The following STRN3 variants were observed in gnomAD, a reference collection of about 807,000 sequenced individuals.
STRN3 encodes striatin 3.
Under a neutral mutation model 95.6 loss-of-function variants are expected in STRN3, and 29 were observed. That is an observed-to-expected ratio of 0.30 (90% CI 0.23 to 0.41). The LOEUF (loss-of-function observed/expected upper bound fraction) is 0.41. Ranked by LOEUF, STRN3 falls within the 10% of genes least tolerant of loss-of-function variation. The pLI, the probability that STRN3 is intolerant of heterozygous loss-of-function variation, is 1.00. For missense variants in STRN3, 890 were observed against 972.1 expected, an observed-to-expected ratio of 0.92 and a Z score of 1.12; for synonymous variants, 331 against 357.6, an observed-to-expected ratio of 0.93 and a Z score of 0.84.
In STRN3 at chr14:31,005,910, G is replaced by A. The variant is rs143538758; in HGVS notation, c.282+19994C>T. Among the ~76,000 whole-genome samples, 1,314 of 152,124 alleles carry A rather than the reference G, an allele frequency of 8.6e-3. 24 individuals are homozygous for A. Among genetic ancestry groups the A allele is most frequent in the African/African-American group, 0.03 (1,242 of 41,502 alleles). ...AAGCGGGTGGATCACTTGAGCTCAG[G>A]AGTTCAAGAGCAGCCTGGCCAACAT... is the stretch of plus-strand genomic sequence containing the variant. On this transcript the variant is annotated intron_variant, in intron 1 of 17. Transcript: ENST00000357479.
At chr14:31,001,045 T>C (rs1048193386) in intron 1 of STRN3, among the ~76,000 whole-genome samples, 3 of 151,920 alleles carry the variant, frequency 2.0e-5, no homozygotes. Context: ...GCAGAGGGGG[T>C]AGGGCTGAAG....
At chr14:30,916,177 T>A (rs1337125294) in intron 9 of STRN3, among the ~76,000 whole-genome samples, 2 of 152,184 alleles carry the variant, frequency 1.3e-5, no homozygotes, top group African/African-American at 4.8e-5. Flanking sequence ...AGGGAATTAA[T>A]TTCTATCCTA....
chr14:31,006,755 C>G (rs556347231), intron 1 of STRN3, among the ~76,000 whole-genome samples: 2 of 151,756 alleles, frequency 1.3e-5, no homozygotes, highest in South Asian at 4.2e-4. Flanking sequence ...GATCTAGAAT[C>G]AGAACAGCAT....
chr14:30,906,863 C>T lies in STRN3; in HGVS notation c.1888+14G>A, dbSNP rs1896475118. ...AAAAAACTAACTTTTCTCACAGATG[C>T]AAAATTTACTTACTTTTATCTCCAT... On this transcript the variant is annotated intron_variant, in intron 14 of 17. Transcript: ENST00000357479. 6.3e-7 allele frequency: 1 copy of T among 1,593,176 alleles called. No homozygotes were observed. The highest frequency in any genetic ancestry group is 1.8e-5 in the Admixed American group (1 of 54,972).
At chr14:30,915,173 T>A (rs775963895) in intron 9 of STRN3, among the ~76,000 whole-genome samples, 1 of 152,024 alleles carries the variant, frequency 6.6e-6, no homozygotes, top group African/African-American at 2.4e-5. Flanking sequence ...AAAATTCCCA[T>A]GAAAAATGAT....
chr14:30,914,692 A>T (rs1342959073), intron 9 of STRN3, among the ~76,000 whole-genome samples: 1 of 88,792 alleles, frequency 1.1e-5, no homozygotes, highest in Non-Finnish European at 3.0e-5. Context: ...CTTTTATTTT[A>T]ATGTCCCATT....
chr14:30,999,086 G>T (rs528512859), intron 1 of STRN3, among the ~76,000 whole-genome samples: 2 of 152,140 alleles, frequency 1.3e-5, no homozygotes, highest in African/African-American at 2.4e-5. Context: ...TTAGAGACAG[G>T]GTCTCACTCT....
intron 16 of STRN3, among the ~76,000 whole-genome samples, chr14:30,898,024 C>G (rs368185029): frequency 2.0e-5 from 3 of 152,260 alleles, no homozygotes; most frequent in East Asian, 3.9e-4. Context: ...CAGGGCCTTG[C>G]TCTGTCACTC....
At chr14:31,022,729 C>T (rs1310579625) in intron 1 of STRN3, among the ~76,000 whole-genome samples, 1 of 151,942 alleles carries the variant, frequency 6.6e-6, no homozygotes, top group Non-Finnish European at 1.5e-5. Flanking sequence ...TGGAATCAGA[C>T]AGACTTGGGT....
At chr14:31,014,002 A>C (rs1883118565) in intron 1 of STRN3, among the ~76,000 whole-genome samples, 1 of 151,356 alleles carries the variant, frequency 6.6e-6, no homozygotes, top group African/African-American at 2.4e-5. Context: ...CCTTGGGCTC[A>C]AGCGATCCTC....
At chr14:30,951,324 T>C (rs1023497624) in intron 3 of STRN3, among the ~76,000 whole-genome samples, 3 of 152,188 alleles carry the variant, frequency 2.0e-5, no homozygotes, top group Non-Finnish European at 2.9e-5. Flanking sequence ...CAGTCTCGAC[T>C]TCTCTGGGCT....
chr14:30,971,011 C>T (rs979593494), intron 1 of STRN3, among the ~76,000 whole-genome samples: 9 of 152,236 alleles, frequency 5.9e-5, no homozygotes, highest in African/African-American at 1.9e-4. Context: ...CGGCACCCTG[C>T]GGGTCAGCCC....
chr14:30,908,164 C>T (rs1896515935), intron 13 of STRN3, among the ~76,000 whole-genome samples: 1 of 152,156 alleles, frequency 6.6e-6, no homozygotes, highest in Non-Finnish European at 1.5e-5. Context: ...TGCTTCTCTA[C>T]TACACAAATT....
chr14:30,922,372 AACAAAT>A (rs1482132820), intron 8 of STRN3, among the ~76,000 whole-genome samples: 1 of 152,120 alleles, frequency 6.6e-6, no homozygotes, highest in Non-Finnish European at 1.5e-5. Flanking sequence ...CCTACCTCTT[AACAAAT>A]ACAAAGTCCT....
chr14:30,995,195 A>AT (rs1882142869), intron 1 of STRN3, among the ~76,000 whole-genome samples: 1 of 152,238 alleles, frequency 6.6e-6, no homozygotes, highest in African/African-American at 2.4e-5. Flanking sequence ...AAAGTTAAAA[A>AT]TAAATCAGAT....
In STRN3 at chr14:30,921,069, T is replaced by TACACACACACACACACACACACACAC. The variant is rs367677158; in HGVS notation, c.1100-1964_1100-1963insGTGTGTGTGTGTGTGTGTGTGTGTGT. On this transcript the variant is annotated intron_variant, in intron 8 of 17. Coordinates refer to ENST00000357479, the MANE Select transcript of STRN3 (RefSeq NM_001083893.2). The stretch of plus-strand genomic sequence containing the variant: ...GGTGAGAAGGCTTTCTACACATACA[T>TACACACACACACACACACACACACAC]ATACACACACACACACACACACACA... 5.0e-5 allele frequency among the ~76,000 whole-genome samples: 6 copies of TACACACACACACACACACACACACAC among 119,958 alleles called. No homozygotes were observed. The East Asian group carries it at 7.1e-4, about 14-fold the overall frequency. 78.7% of individuals were successfully genotyped at this position (119,958 alleles called of 152,430 possible).
intron 1 of STRN3, among the ~76,000 whole-genome samples, chr14:30,977,659 G>T (rs1357613040): frequency 6.6e-6 from 1 of 151,344 alleles, no homozygotes; most frequent in Admixed American, 6.6e-5. Context: ...CAGGTGTGGT[G>T]GTGGGCGCCT....
intron 6 of STRN3, among the ~76,000 whole-genome samples, chr14:30,935,947 A>G (rs7154605): frequency 0.2 from 29,708 of 152,184 alleles, 3,467 homozygotes; most frequent in Middle Eastern, 0.28. Context: ...AATGCTGTAC[A>G]CTACTTTGGT....
At chr14:31,002,515 C>T (rs929520861) in intron 1 of STRN3, among the ~76,000 whole-genome samples, 25 of 149,166 alleles carry the variant, frequency 1.7e-4, no homozygotes, top group Admixed American at 1.5e-3. Context: ...CAGTGGCGGG[C>T]GCCTGTAATC....
Sources: allele counts gnomAD v4.1 joint callset (sites outside exome capture counted in the v4.1 genomes callset), GRCh38; gene constraint gnomAD v4.1.1; transcripts MANE v1.5; gene names NCBI Gene and HGNC (gene_info 2026-07-23, HGNC 2026-07-21).